GOLGA8A: variants seen among roughly 807,000 people sequenced by gnomAD.
GOLGA8A encodes the protein golgin A8 family member A.
A neutral mutation model predicts 22.1 loss-of-function variants in GOLGA8A; 3 were observed. That is an observed-to-expected ratio of 0.14 (90% CI 0.06 to 0.35). GOLGA8A has a LOEUF of 0.35. GOLGA8A is among the 10% of genes least tolerant of loss of function. The probability of loss-of-function intolerance (pLI) is 1.00; values close to 1 mark genes in which losing one functional copy is unlikely to be tolerated. For missense variants in GOLGA8A, 16 were observed against 233.2 expected (o/e 0.07, Z 6.07); for synonymous variants, 7 against 91.7 (o/e 0.08, Z 5.28).
rs368030444 is a variant in GOLGA8A, at chr15:34,429,907, A to C, written c.-1123+5476T>G. On this transcript the variant is annotated intron_variant, in intron 2 of 24. Transcript: ENST00000359187. The stretch of plus-strand genomic sequence containing the variant: ...CCCCTTTGTTTCCACTATTAGATTA[A>C]GCCACCCTATGTGACAGATAAAAGG... Among the ~76,000 whole-genome samples, 124 of 148,158 alleles carry C rather than the reference A, an allele frequency of 8.4e-4. 10 individuals are homozygous for C. In the South Asian group the frequency reaches 0.027, roughly 32 times the overall value.
chr15:34,402,943 C>T (rs1234158399), intron 5 of GOLGA8A, among the ~76,000 whole-genome samples: 1 of 87,026 alleles, frequency 1.1e-5, no homozygotes, highest in Non-Finnish European at 2.2e-5. Context: ...AAAAAAATTT[C>T]GATGGACCTA....
At chr15:34,423,261 C>T (rs1251006311) in intron 2 of GOLGA8A, among the ~76,000 whole-genome samples, 1 of 126,660 alleles carries the variant, frequency 7.9e-6, no homozygotes, top group African/African-American at 2.9e-5. Context: ...CCACATCACG[C>T]CACCCTGCAG....
In GOLGA8A at chr15:34,380,278, G is replaced by A. The variant is rs1243637607; in HGVS notation, c.*1133C>T. ...GTAAAATCAAACTTCAAGCCTCAAAGAAGCTCCATGAACAGAGAGGAATGC... is the reference window on the plus strand; with the variant it reads ...GTAAAATCAAACTTCAAGCCTCAAAAAAGCTCCATGAACAGAGAGGAATGC... On this transcript the variant is annotated 3_prime_UTR_variant, in exon 25 of 25. Coordinates refer to ENST00000359187, the MANE Select transcript of GOLGA8A (RefSeq NM_181077.5). 1 of 152,174 alleles carries A rather than the reference G, an allele frequency of 6.6e-6. No homozygotes were observed. The highest frequency in any genetic ancestry group is 1.5e-5 in the Non-Finnish European group (1 of 68,018). 9.4% of individuals were successfully genotyped at this position (152,174 alleles called of 1,614,324 possible).
At chr15:34,410,917 G>A (rs1397331885) in intron 2 of GOLGA8A, among the ~76,000 whole-genome samples, 1 of 94,120 alleles carries the variant, frequency 1.1e-5, no homozygotes. Context: ...GCTCATGGTG[G>A]GGCAGTATGT....
At chr15:34,436,482 G>C (rs893945208) in intron 1 of GOLGA8A, among the ~76,000 whole-genome samples, 1 of 149,622 alleles carries the variant, frequency 6.7e-6, no homozygotes. Flanking sequence ...TATCTGAAGA[G>C]ATCTGAAAAA....
chr15:34,421,432 A>C (rs1404019127), intron 2 of GOLGA8A, among the ~76,000 whole-genome samples: 2 of 140,964 alleles, frequency 1.4e-5, no homozygotes, highest in Non-Finnish European at 1.5e-5. Flanking sequence ...AAGGGTTTAA[A>C]ATTGAAAATC....
chr15:34,381,813 GC>G lies in GOLGA8A; in HGVS notation c.1496del (p.Gly499AlafsTer127). Reference protein sequence around the residue: ...GAAGDGVAACGSYSEGHGKFL... With the variant: ...GAAGDGVAACXSYSEGHGKFL... ...ATTTGCCGTGCCCCTCGCTGTAGCT[GC>G]CACAAGCCGCAACACCATCTCCTGC... On this transcript the variant is annotated frameshift_variant, in exon 24 of 25. Transcript: ENST00000359187. LOFTEE classifies it high-confidence loss of function. 1.4e-6 allele frequency: 1 copy of G among 703,256 alleles called. No individual in the cohort carries two copies. Among genetic ancestry groups the G allele is most frequent in the Non-Finnish European group, 2.3e-6 (1 of 435,964 alleles). The allele number at this position is 703,256 out of a possible 1,614,324, so 43.6% of individuals were successfully genotyped here.
intron 2 of GOLGA8A, among the ~76,000 whole-genome samples, chr15:34,425,748 T>A (rs349640): frequency 0.051 from 7,489 of 145,710 alleles, 664 homozygotes; most frequent in Non-Finnish European, 0.074. Context: ...AGGAAAAGCT[T>A]CACAAATCAA....
intron 2 of GOLGA8A, among the ~76,000 whole-genome samples, chr15:34,426,108 T>C (rs981868840): frequency 2.7e-5 from 4 of 148,586 alleles, no homozygotes; most frequent in African/African-American, 7.4e-5. Context: ...TAGGAATCTA[T>C]GCTACGAAAA....
In GOLGA8A at chr15:34,437,443, CG is replaced by C. The variant is rs1893593522; in HGVS notation, c.-1258del. ...CCCCGGTCCGCCGCCGTCCTCGCCG[CG>C]CCGCCGTCCTCGCCGCGCCGCCGTC... On this transcript the variant is annotated 5_prime_UTR_variant, in exon 1 of 25. Transcript: ENST00000359187. 1 of 138,350 alleles carries C rather than the reference CG, an allele frequency of 7.2e-6. No individual in the cohort carries two copies. The highest frequency in any genetic ancestry group is 7.2e-5 in the Admixed American group (1 of 13,878). 8.6% of individuals were successfully genotyped at this position (138,350 alleles called of 1,614,324 possible).
Position 34,381,218 on chromosome 15 carries a change from C to T in GOLGA8A, c.*193G>A. The T allele has an allele frequency of 1.0e-6, 1 of 993,072 alleles. No homozygotes were observed. The highest frequency in any genetic ancestry group is 1.6e-5 in the South Asian group (1 of 63,404). 61.5% of individuals were successfully genotyped at this position (993,072 alleles called of 1,614,324 possible). On this transcript the variant is annotated 3_prime_UTR_variant, in exon 25 of 25. Transcript: ENST00000359187. ...AAATGCTGAAGGATGCCAGAGTGAA[C>T]ATCAGTGAGAGCCACAGAGACCCAC...
intron 2 of GOLGA8A, chr15:34,428,901 A>G (rs1380913177): frequency 0.014 from 314 of 22,590 alleles, 17 homozygotes; most frequent in African/African-American, 0.025. Context: ...CCTTGTTAAA[A>G]AAAAAAAAAA....
chr15:34,420,822 A>G (rs1469658883), intron 2 of GOLGA8A, among the ~76,000 whole-genome samples: 1 of 129,198 alleles, frequency 7.7e-6, no homozygotes, highest in African/African-American at 2.9e-5. Context: ...TGGGGAGAGT[A>G]CCCACAGATT....
chr15:34,421,265 G>C (rs1039705738), intron 2 of GOLGA8A, among the ~76,000 whole-genome samples: 1 of 142,950 alleles, frequency 7.0e-6, no homozygotes, highest in Non-Finnish European at 1.5e-5. Context: ...TCCATTAAAC[G>C]ACAAGAAAAT....
At chr15:34,430,765 C>G (rs1893191766) in intron 2 of GOLGA8A, among the ~76,000 whole-genome samples, 1 of 149,810 alleles carries the variant, frequency 6.7e-6, no homozygotes, top group African/African-American at 2.5e-5. Flanking sequence ...AACTCAGTGG[C>G]TGGTGAGGAA....
chr15:34,434,166 G>T (rs1469045176), intron 2 of GOLGA8A, among the ~76,000 whole-genome samples: 1 of 149,602 alleles, frequency 6.7e-6, no homozygotes, highest in African/African-American at 2.5e-5. Context: ...CTGGAGCCAG[G>T]AGAGCCTGGA....
At chr15:34,420,699 G>A (rs1275660235) in intron 2 of GOLGA8A, among the ~76,000 whole-genome samples, 72 of 127,496 alleles carry the variant, frequency 5.6e-4, no homozygotes, top group Non-Finnish European at 9.9e-4. Context: ...CACCATCGGC[G>A]GCCACTCCCC....
rs1224797335 is a variant in GOLGA8A, at chr15:34,429,371, A to G, written c.-1123+6012T>C. On this transcript the variant is annotated intron_variant, in intron 2 of 24. Coordinates refer to ENST00000359187, the MANE Select transcript of GOLGA8A (RefSeq NM_181077.5). The stretch of plus-strand genomic sequence containing the variant: ...CCCATCTCCAGCTCTGACCTACACA[A>G]ACTACATAATCCTGCTGCCAAAAAC... Among the ~76,000 whole-genome samples the G allele has an allele frequency of 2.1e-5, 3 of 145,936 alleles. 1 individual carries two copies. Among genetic ancestry groups the G allele is most frequent in the African/African-American group, 5.1e-5 (2 of 39,534 alleles).
chr15:34,425,876 C>G (rs1892962366), intron 2 of GOLGA8A, among the ~76,000 whole-genome samples: 1 of 145,018 alleles, frequency 6.9e-6, no homozygotes, highest in Non-Finnish European at 1.5e-5. Flanking sequence ...ATGAAATAAG[C>G]TATCACTTTA....
Sources: gnomAD v4.1 joint callset for allele counts (sites outside exome capture counted in the v4.1 genomes callset) on GRCh38, gnomAD v4.1.1 for gene constraint, MANE v1.5 for transcripts, NCBI Gene and HGNC (gene_info 2026-07-23, HGNC 2026-07-21) for gene names.